TMEM232: variants seen among roughly 807,000 people sequenced by gnomAD.
The protein encoded by TMEM232 is transmembrane protein 232.
TMEM232 carries 80 observed loss-of-function variants against 78.8 expected under a neutral mutation model. That is an observed-to-expected ratio of 1.01 (90% CI 0.85 to 1.22). The LOEUF (loss-of-function observed/expected upper bound fraction) is 1.22. TMEM232 is among the 50% of genes most tolerant of loss of function. The pLI is 0.00. For missense variants in TMEM232, 881 were observed against 742.2 expected (o/e 1.19, Z -2.17); for synonymous variants, 297 against 254.3 (o/e 1.17, Z -1.60).
rs1028575667 is a variant in TMEM232, at chr5:110,633,642, GT to G, written c.501+4555del. Among the ~76,000 whole-genome samples the G allele has an allele frequency of 1.0e-3, 157 of 152,182 alleles. 1 individual carries two copies. The highest frequency in any genetic ancestry group is 3.6e-3 in the African/African-American group (148 of 41,542). On this transcript the variant is annotated intron_variant, in intron 5 of 13. Coordinates refer to ENST00000455884, the MANE Select transcript of TMEM232 (RefSeq NM_001039763.4). Reference sequence around the variant, plus strand: ...TTTGCTCTCTCTTTCCTGCTGCCTTGTAAAGAAGGCCCTTGCTTCTTCTTCA... The same window carrying G: ...TTTGCTCTCTCTTTCCTGCTGCCTTGAAAGAAGGCCCTTGCTTCTTCTTCA...
intron 11 of TMEM232, among the ~76,000 whole-genome samples, chr5:110,562,530 A>G (rs1251897223): frequency 6.6e-6 from 1 of 152,054 alleles, no homozygotes; most frequent in Non-Finnish European, 1.5e-5. Flanking sequence ...GGGATCAAAC[A>G]TTTATCTGGG....
intron 1 of TMEM232, among the ~76,000 whole-genome samples, chr5:110,706,515 T>C (rs779673366): frequency 1.3e-5 from 2 of 152,166 alleles, no homozygotes; most frequent in Non-Finnish European, 2.9e-5. Flanking sequence ...GTTCATCAAT[T>C]TGAACCCGAG....
At chr5:110,479,984 T>C (rs1007440811) in intron 12 of TMEM232, among the ~76,000 whole-genome samples, 3 of 151,898 alleles carry the variant, frequency 2.0e-5, no homozygotes, top group African/African-American at 7.2e-5. Context: ...TTTTTCCTCC[T>C]GTAAATATGT....
chr5:110,478,490 G>C (rs1173667793), intron 12 of TMEM232, among the ~76,000 whole-genome samples: 1 of 151,844 alleles, frequency 6.6e-6, no homozygotes, highest in Non-Finnish European at 1.5e-5. Flanking sequence ...CTAAGCAACT[G>C]AGGCCATTTT....
intron 12 of TMEM232, among the ~76,000 whole-genome samples, chr5:110,526,221 T>G (rs1770576001): frequency 6.6e-6 from 1 of 151,188 alleles, no homozygotes; most frequent in African/African-American, 2.4e-5. Flanking sequence ...ATAAATACAT[T>G]CTATTACAAA....
At position 110,692,616 on chromosome 5, in the gene TMEM232, TC is replaced by T. The variant is rs1302259474; in HGVS notation, c.-12-25253del. ...CACTCCCACCCTAATACTGCGCTTT[TC>T]CAACGGGCTTAACAAACGGCACACC... On this transcript the variant is annotated intron_variant, in intron 1 of 13. Transcript: ENST00000455884. Among the ~76,000 whole-genome samples the T allele has an allele frequency of 5.3e-5, 8 of 152,268 alleles. No homozygotes were observed. The South Asian group carries it at 1.2e-3, about 24-fold the overall frequency.
At position 110,606,144 on chromosome 5, in the gene TMEM232, A is replaced by ATAT; in HGVS notation, c.1026+17_1026+19dup. 6.5e-7 allele frequency: 1 copy of ATAT among 1,530,044 alleles called. No homozygotes were observed. The highest frequency in any genetic ancestry group is 8.8e-7 in the Non-Finnish European group (1 of 1,133,922). The allele number at this position is 1,530,044 out of a possible 1,614,324, so 94.8% of individuals were successfully genotyped here. On this transcript the variant is annotated intron_variant, in intron 9 of 13. Coordinates refer to ENST00000455884, the MANE Select transcript of TMEM232 (RefSeq NM_001039763.4). Reference sequence around the variant, plus strand: ...TGTTTCTCTTCGGTTCTCTTTTCACATATAAATTAGCAATGTTACCTGATT... The same window carrying ATAT: ...TGTTTCTCTTCGGTTCTCTTTTCACATATTATAAATTAGCAATGTTACCTGATT...
At chr5:110,656,275 T>G (rs189915444) in intron 2 of TMEM232, among the ~76,000 whole-genome samples, 3 of 152,286 alleles carry the variant, frequency 2.0e-5, no homozygotes, top group Admixed American at 2.0e-4. Flanking sequence ...TTGATCATAG[T>G]GTACATGCAG....
chr5:110,403,023 GAAACAA>G (rs770447593), intron 2 of TMEM232, among the ~76,000 whole-genome samples: 19 of 151,952 alleles, frequency 1.3e-4, no homozygotes, highest in Non-Finnish European at 2.4e-4. Flanking sequence ...CAAGAAATAA[GAAACAA>G]AAAGAAAAAG....
chr5:110,396,384 G>A (rs1046440967), intron 3 of TMEM232, among the ~76,000 whole-genome samples: 24 of 151,874 alleles, frequency 1.6e-4, no homozygotes, highest in African/African-American at 5.6e-4. Context: ...ATATTCACCT[G>A]GGAGGAAAAA....
intron 12 of TMEM232, 114 bp downstream of exon 12, chr5:110,528,474 T>C (rs576822377): frequency 4.8e-5 from 58 of 1,197,620 alleles, no homozygotes; most frequent in African/African-American, 1.1e-4. Context: ...AAGCCAAAAT[T>C]TGAATTGAAG....
At chr5:110,476,325 A>G (rs1763248156) in intron 12 of TMEM232, among the ~76,000 whole-genome samples, 1 of 152,016 alleles carries the variant, frequency 6.6e-6, no homozygotes, top group Non-Finnish European at 1.5e-5. Flanking sequence ...AAAAATAACA[A>G]CAGGTGTGTG....
intron 8 of TMEM232, among the ~76,000 whole-genome samples, chr5:110,615,052 G>A (rs576835919): frequency 5.3e-5 from 8 of 151,986 alleles, no homozygotes; most frequent in South Asian, 2.1e-4. Flanking sequence ...CTCAGTAGGT[G>A]TCTCCCATCA....
At chr5:110,611,860 G>C (rs1043483293) in intron 8 of TMEM232, among the ~76,000 whole-genome samples, 1 of 152,138 alleles carries the variant, frequency 6.6e-6, no homozygotes, top group Non-Finnish European at 1.5e-5. Flanking sequence ...TGGGAACAGA[G>C]AGCAGGGGAA....
chr5:110,540,321 C>G (rs1455572197), intron 11 of TMEM232, among the ~76,000 whole-genome samples: 1 of 152,146 alleles, frequency 6.6e-6, no homozygotes, highest in African/African-American at 2.4e-5. Flanking sequence ...ACTGAAGTCA[C>G]CCTAGGTCAA....
intron 12 of TMEM232, among the ~76,000 whole-genome samples, chr5:110,435,049 C>T (rs750546158): frequency 2.6e-4 from 40 of 151,718 alleles, no homozygotes; most frequent in Admixed American, 7.2e-4. Flanking sequence ...CTCAGCACTC[C>T]GATTCAACTG....
chr5:110,554,276 A>G (rs7718572), intron 11 of TMEM232, among the ~76,000 whole-genome samples: 22,452 of 151,984 alleles, frequency 0.15, 4,268 homozygotes, highest in African/African-American at 0.45. Flanking sequence ...AGAGAGACTG[A>G]CCTAGCCTCC....
intron 10 of TMEM232, among the ~76,000 whole-genome samples, chr5:110,601,549 C>T (rs369001915): frequency 1.3e-5 from 2 of 152,038 alleles, no homozygotes; most frequent in African/African-American, 4.8e-5. Flanking sequence ...TTCACAACTG[C>T]TACAAAGAAA....
At chr5:110,672,314 G>C (rs746303795) in intron 1 of TMEM232, among the ~76,000 whole-genome samples, 2 of 152,090 alleles carry the variant, frequency 1.3e-5, no homozygotes, top group African/African-American at 2.4e-5. Context: ...ACAATGCCCT[G>C]TTAAAGAAAC....
Sources: gnomAD v4.1 joint callset for allele counts (sites outside exome capture counted in the v4.1 genomes callset) on GRCh38, gnomAD v4.1.1 for gene constraint, MANE v1.5 for transcripts, NCBI Gene and HGNC (gene_info 2026-07-23, HGNC 2026-07-21) for gene names.